TMEM72: variants seen among roughly 807,000 people sequenced by gnomAD.
The protein encoded by TMEM72 is transmembrane protein 72.
TMEM72 carries 9 observed loss-of-function variants against 16.3 expected under a neutral mutation model. The observed-to-expected ratio is 0.55, with a 90% CI of 0.33 to 0.96. The LOEUF is 0.96. Ranked by LOEUF, TMEM72 falls within the 40% of genes least tolerant of loss-of-function variation. The probability of loss-of-function intolerance (pLI) is 0.03; values close to 1 mark genes in which losing one functional copy is unlikely to be tolerated. For synonymous variants in TMEM72, 160 were observed against 146.5 expected (o/e 1.09, Z -0.66); for missense variants, 324 against 337.8 (o/e 0.96, Z 0.32).
intron 3 of TMEM72, 48 bp from the exon 4 acceptor site, chr10:44,933,588 TG>T: frequency 6.3e-7 from 1 of 1,580,890 alleles, no homozygotes; most frequent in South Asian, 1.1e-5. Flanking sequence ...CCAGTCTTGC[TG>T]GGGTTTTCCT....
chr10:44,918,751 C>T (rs1034991788), intron 1 of TMEM72, among the ~76,000 whole-genome samples: 2 of 152,162 alleles, frequency 1.3e-5, no homozygotes, highest in Non-Finnish European at 1.5e-5. Flanking sequence ...GAAATCCTAA[C>T]ACCCAACATG....
Position 44,911,370 on chromosome 10 carries a change from G to A in TMEM72, c.-143G>A. The A allele has an allele frequency of 1.3e-6, 1 of 786,272 alleles. No homozygotes were observed. The highest frequency in any genetic ancestry group is 2.0e-6 in the Non-Finnish European group (1 of 492,512). 48.7% of individuals were successfully genotyped at this position (786,272 alleles called of 1,614,324 possible). A position where few individuals can be genotyped will look rare whatever the true frequency, so the allele number is the denominator to read the frequency against. On this transcript the variant is annotated 5_prime_UTR_variant, in exon 1 of 5. Coordinates refer to ENST00000389583, the MANE Select transcript of TMEM72 (RefSeq NM_001123376.3). Reference sequence around the variant, plus strand: ...TTCACACCTCGGCCAGGCTGCGGTGGCCAGGACTGGTTTGGGAAGGCAGGG... The same window carrying A: ...TTCACACCTCGGCCAGGCTGCGGTGACCAGGACTGGTTTGGGAAGGCAGGG...
At chr10:44,928,412 A>G (rs1840236187) in intron 2 of TMEM72, among the ~76,000 whole-genome samples, 1 of 151,712 alleles carries the variant, frequency 6.6e-6, no homozygotes, top group Admixed American at 6.6e-5. Context: ...CCATCTATTC[A>G]TCCATCTACC....
chr10:44,928,039 C>T (rs1356709862), intron 2 of TMEM72, 52 bp downstream of exon 2: 1 of 1,587,904 alleles, frequency 6.3e-7, no homozygotes, highest in Admixed American at 1.7e-5. Flanking sequence ...GCTCAACTCA[C>T]CCTACATCTG....
intron 2 of TMEM72, among the ~76,000 whole-genome samples, chr10:44,930,106 G>A (rs543919461): frequency 4.6e-5 from 7 of 152,272 alleles, no homozygotes; most frequent in African/African-American, 1.7e-4. Flanking sequence ...CTGTTTTGAG[G>A]GGACCCTATG....
intron 1 of TMEM72, among the ~76,000 whole-genome samples, chr10:44,916,384 CAGTT>C (rs1478667764): frequency 6.6e-6 from 1 of 152,170 alleles, no homozygotes; most frequent in Non-Finnish European, 1.5e-5. Flanking sequence ...GCTTCCCACA[CAGTT>C]AGAGCATTGG....
chr10:44,913,332 G>A (rs778419849), intron 1 of TMEM72, among the ~76,000 whole-genome samples: 28 of 152,058 alleles, frequency 1.8e-4, no homozygotes, highest in African/African-American at 6.5e-4. Flanking sequence ...ACCTCCCGTC[G>A]AGAGGCTGTT....
intron 2 of TMEM72, among the ~76,000 whole-genome samples, chr10:44,931,595 C>A (rs1436772495): frequency 6.6e-6 from 1 of 152,184 alleles, no homozygotes; most frequent in East Asian, 1.9e-4. Context: ...TCAACAGCTC[C>A]TGGTGACTAT....
chr10:44,933,757 C>T lies in TMEM72; in HGVS notation c.330C>T (p.Val110=), dbSNP rs767816325. The T allele has an allele frequency of 6.2e-7, 1 of 1,614,022 alleles. No homozygotes were observed. The highest frequency in any genetic ancestry group is 1.3e-5 in the African/African-American group (1 of 75,048). Residue 110 remains valine, a synonymous_variant, in exon 4 of 5, where the codon GTC becomes GTT. Transcript: ENST00000389583. The part of the protein sequence containing the change: ...SVACFLHPVL[V]WHVTIPGSML... Reference sequence around the variant, plus strand: ...CCTGCTTCCTCCACCCGGTCCTGGTCTGGCACGTGACCATCCCAGGTAAGA... The same window carrying T: ...CCTGCTTCCTCCACCCGGTCCTGGTTTGGCACGTGACCATCCCAGGTAAGA...
At chr10:44,919,735 G>T (rs868432966) in intron 1 of TMEM72, among the ~76,000 whole-genome samples, 2 of 152,180 alleles carry the variant, frequency 1.3e-5, no homozygotes, top group Non-Finnish European at 2.9e-5. Flanking sequence ...TTCAATAGGA[G>T]CTCAATCTGA....
At position 44,936,921 on chromosome 10, in the gene TMEM72, G is replaced by C. The variant is rs186953077; in HGVS notation, c.*1787G>C. The C allele has an allele frequency of 1.3e-5, 2 of 152,404 alleles. No homozygotes were observed. The highest frequency in any genetic ancestry group is 2.9e-5 in the Non-Finnish European group (2 of 68,072). The allele number at this position is 152,404 out of a possible 1,614,324, so 9.4% of individuals were successfully genotyped here. A position where few individuals can be genotyped will look rare whatever the true frequency, so the allele number is the denominator to read the frequency against. ...TCTGTCCTCGAAGCCCCAGTCAGCAGAGCTGGATGACCAGATCGCAAGAAG... is the reference window on the plus strand; with the variant it reads ...TCTGTCCTCGAAGCCCCAGTCAGCACAGCTGGATGACCAGATCGCAAGAAG... On this transcript the variant is annotated 3_prime_UTR_variant, in exon 5 of 5. Coordinates refer to ENST00000389583, the MANE Select transcript of TMEM72 (RefSeq NM_001123376.3).
intron 2 of TMEM72, among the ~76,000 whole-genome samples, chr10:44,930,637 G>A (rs1840281243): frequency 6.6e-6 from 1 of 152,114 alleles, no homozygotes; most frequent in Admixed American, 6.5e-5. Flanking sequence ...AAAACCAAGG[G>A]GTAAGAGTTA....
At chr10:44,917,377 G>A (rs1047458458) in intron 1 of TMEM72, among the ~76,000 whole-genome samples, 4 of 152,148 alleles carry the variant, frequency 2.6e-5, no homozygotes, top group African/African-American at 9.7e-5. Context: ...GAAGATCCGA[G>A]GAAAGGAGCA....
chr10:44,931,714 G>A, intron 2 of TMEM72: 1 of 465,520 alleles, frequency 2.1e-6, no homozygotes, highest in Non-Finnish European at 3.9e-6. Context: ...AGAAGGATGT[G>A]CCTGCCAGTG....
intron 1 of TMEM72, among the ~76,000 whole-genome samples, chr10:44,924,891 T>C (rs1450091843): frequency 6.6e-6 from 1 of 152,130 alleles, no homozygotes; most frequent in Non-Finnish European, 1.5e-5. Flanking sequence ...CTTGTGGGAG[T>C]GACCTCACGC....
At chr10:44,926,180 C>T (rs1840189168) in intron 1 of TMEM72, among the ~76,000 whole-genome samples, 1 of 151,692 alleles carries the variant, frequency 6.6e-6, no homozygotes, top group Non-Finnish European at 1.5e-5. Flanking sequence ...CACACACTCA[C>T]ACATGTACAC....
At chr10:44,926,201 ACT>A (rs1405953000) in intron 1 of TMEM72, among the ~76,000 whole-genome samples, 2 of 151,978 alleles carry the variant, frequency 1.3e-5, no homozygotes, top group African/African-American at 2.4e-5. Context: ...ACACACATAC[ACT>A]CACACATACA....
At chr10:44,913,240 C>G (rs1839962963) in intron 1 of TMEM72, among the ~76,000 whole-genome samples, 1 of 152,196 alleles carries the variant, frequency 6.6e-6, no homozygotes, top group East Asian at 1.9e-4. Context: ...ACCCTGCTCC[C>G]TCTAGGCTTT....
intron 3 of TMEM72, among the ~76,000 whole-genome samples, chr10:44,932,508 C>T (rs1344865936): frequency 6.6e-6 from 1 of 152,188 alleles, no homozygotes; most frequent in East Asian, 1.9e-4. Flanking sequence ...TGTCTCTACA[C>T]CCCTTCGTGG....
Sources: gnomAD v4.1 joint callset for allele counts (sites outside exome capture counted in the v4.1 genomes callset) on GRCh38, gnomAD v4.1.1 for gene constraint, MANE v1.5 for transcripts, NCBI Gene and HGNC (gene_info 2026-07-23, HGNC 2026-07-21) for gene names.